MAPK8: variants seen among roughly 807,000 people sequenced by gnomAD.
MAPK8 encodes the protein JUN N-terminal kinase.
In MAPK8, 13 loss-of-function variants were observed where a neutral mutation model predicts 52.9. The ratio of observed to expected loss-of-function variants is 0.25; its 90% CI spans 0.16 to 0.39. The LOEUF (loss-of-function observed/expected upper bound fraction) is 0.39, where lower values mean the gene tolerates loss of function less well. Ranked by LOEUF, MAPK8 falls within the 10% of genes least tolerant of loss-of-function variation. MAPK8 has a pLI of 1.00. For synonymous variants in MAPK8, 191 were observed against 169.8 expected, an observed-to-expected ratio of 1.12 and a Z score of -0.97; for missense variants, 300 against 519.2, an observed-to-expected ratio of 0.58 and a Z score of 4.10.
At chr10:48,432,053 G>A (rs2044335050) in intron 11 of MAPK8, among the ~76,000 whole-genome samples, 1 of 152,144 alleles carries the variant, frequency 6.6e-6, no homozygotes, top group Non-Finnish European at 1.5e-5. Context: ...AGAGTGTGTG[G>A]TTTTTTCAGC....
At chr10:48,318,503 A>G (rs181272803) in intron 1 of MAPK8, among the ~76,000 whole-genome samples, 2 of 152,220 alleles carry the variant, frequency 1.3e-5, no homozygotes, top group Admixed American at 6.5e-5. Context: ...GTAACTGGCC[A>G]CAGGGTTTGA....
chr10:48,337,471 A>C (rs1321872884), intron 1 of MAPK8, among the ~76,000 whole-genome samples: 1 of 152,164 alleles, frequency 6.6e-6, no homozygotes, highest in Non-Finnish European at 1.5e-5. Flanking sequence ...TTAAGAGGAA[A>C]ATTTTAGTGC....
chr10:48,327,043 C>T (rs1016689619), intron 1 of MAPK8, among the ~76,000 whole-genome samples: 2 of 152,178 alleles, frequency 1.3e-5, no homozygotes, highest in Non-Finnish European at 2.9e-5. Flanking sequence ...TTCCCCCCTC[C>T]GTCTGCATGC....
chr10:48,421,607 C>G (rs762525649), intron 6 of MAPK8, among the ~76,000 whole-genome samples: 2 of 152,122 alleles, frequency 1.3e-5, no homozygotes, highest in African/African-American at 2.4e-5. Context: ...GAGTTCTAGA[C>G]CAGCCTGAGC....
chr10:48,377,039 A>G (rs1369028474), intron 1 of MAPK8, among the ~76,000 whole-genome samples: 1 of 152,196 alleles, frequency 6.6e-6, no homozygotes, highest in Non-Finnish European at 1.5e-5. Context: ...CCACAGCCAT[A>G]AAAAGGATGA....
chr10:48,371,788 G>A (rs1025533503), intron 1 of MAPK8, among the ~76,000 whole-genome samples: 1 of 152,116 alleles, frequency 6.6e-6, no homozygotes, highest in Non-Finnish European at 1.5e-5. Flanking sequence ...CCTTGTGTCT[G>A]ACTGAATAGC....
chr10:48,400,249 A>G (rs1248630049), intron 1 of MAPK8, among the ~76,000 whole-genome samples: 1 of 152,208 alleles, frequency 6.6e-6, no homozygotes, highest in Non-Finnish European at 1.5e-5. Flanking sequence ...GCACTACATG[A>G]CTAGTCCAGT....
At chr10:48,409,743 C>T (rs2042651085) in intron 3 of MAPK8, 136 bp from the exon 4 acceptor site, 1 of 646,800 alleles carries the variant, frequency 1.5e-6, no homozygotes, top group Non-Finnish European at 2.7e-6. Context: ...AAAATGAAAG[C>T]AATTAACTTG....
intron 1 of MAPK8, among the ~76,000 whole-genome samples, chr10:48,312,205 T>G (rs1210472489): frequency 6.6e-6 from 1 of 152,178 alleles, no homozygotes; most frequent in Non-Finnish European, 1.5e-5. Context: ...TGCACATTAG[T>G]CAAAATCCAA....
chr10:48,369,688 G>A (rs1361165352), intron 1 of MAPK8, among the ~76,000 whole-genome samples: 1 of 152,130 alleles, frequency 6.6e-6, no homozygotes, highest in Non-Finnish European at 1.5e-5. Flanking sequence ...CTAGCAGAGG[G>A]GGGAAAATGA....
chr10:48,348,614 G>C (rs1846010114), intron 1 of MAPK8, among the ~76,000 whole-genome samples: 1 of 152,158 alleles, frequency 6.6e-6, no homozygotes, highest in Admixed American at 6.5e-5. Flanking sequence ...TGACTAGCCA[G>C]TTTTCCCAAC....
At chr10:48,360,208 G>T (rs1205734088) in intron 1 of MAPK8, among the ~76,000 whole-genome samples, 1 of 152,048 alleles carries the variant, frequency 6.6e-6, no homozygotes, top group East Asian at 1.9e-4. Flanking sequence ...TCGAACAGTT[G>T]AACTAGAAAG....
intron 1 of MAPK8, among the ~76,000 whole-genome samples, chr10:48,368,790 G>A (rs1453717084): frequency 6.6e-6 from 1 of 152,196 alleles, no homozygotes; most frequent in African/African-American, 2.4e-5. Context: ...AGTGCGGCTG[G>A]ACTTCACAAA....
intron 1 of MAPK8, among the ~76,000 whole-genome samples, chr10:48,396,747 A>G (rs772117894): frequency 6.6e-6 from 1 of 152,218 alleles, no homozygotes; most frequent in African/African-American, 2.4e-5. Context: ...TTGATATACC[A>G]ACACCTTGGA....
chr10:48,415,546 G>A (rs768495521), intron 5 of MAPK8, among the ~76,000 whole-genome samples: 10 of 152,186 alleles, frequency 6.6e-5, no homozygotes, highest in Non-Finnish European at 1.3e-4. Context: ...CAACAACTGC[G>A]TATTTCCATA....
In MAPK8 at chr10:48,437,415, CCTTT is replaced by C. The variant is rs1383334562; in HGVS notation, c.*2390_*2393del. Reference sequence around the variant, plus strand: ...ATCAGGTAGTACTTGTATGAAACCACCTTTCTTATTCTATAATTTTGATTTTTCA... The same window carrying C: ...ATCAGGTAGTACTTGTATGAAACCACCTTATTCTATAATTTTGATTTTTCA... On this transcript the variant is annotated 3_prime_UTR_variant, in exon 12 of 12. Coordinates refer to ENST00000374189, the MANE Select transcript of MAPK8 (RefSeq NM_001323329.2). 4 of 152,030 alleles carry C rather than the reference CCTTT, an allele frequency of 2.6e-5. No individual in the cohort carries two copies. The highest frequency in any genetic ancestry group is 7.3e-5 in the African/African-American group (3 of 41,372). 9.4% of individuals were successfully genotyped at this position (152,030 alleles called of 1,614,324 possible). A position where few individuals can be genotyped will look rare whatever the true frequency, so the allele number is the denominator to read the frequency against.
rs554669671 is a variant in MAPK8 at position 48,392,261 on chromosome 10, T to G, written c.-49-9351T>G. ...TGCAGTCAGAAAGGCAGGGGAAGAT[T>G]AGACTCTTGCCTTGAGCTGGTGAAA... is the stretch of plus-strand genomic sequence containing the variant. On this transcript the variant is annotated intron_variant, in intron 1 of 11. Transcript: ENST00000374189. Among the ~76,000 whole-genome samples, 5 of 152,242 alleles carry G rather than the reference T, an allele frequency of 3.3e-5. No homozygotes were observed. The South Asian group carries it at 8.3e-4, about 25-fold the overall frequency.
chr10:48,410,172 A>C lies in MAPK8; in HGVS notation c.450+4A>C. The C allele has an allele frequency of 6.6e-7, 1 of 1,509,852 alleles. No individual in the cohort carries two copies. The highest frequency in any genetic ancestry group is 8.8e-7 in the Non-Finnish European group (1 of 1,131,630). 93.5% of individuals were successfully genotyped at this position (1,509,852 alleles called of 1,614,324 possible). A position where few individuals can be genotyped will look rare whatever the true frequency, so the allele number is the denominator to read the frequency against. ...TTCTGCTGGAATTATTCATCGGGTT[A>C]GTAGAAGAAACTATCGTCATACTCT... On this transcript the variant is annotated splice_donor_region_variant and intron_variant, in intron 5 of 11. Transcript: ENST00000374189.
chr10:48,319,135 G>T (rs1842759157), intron 1 of MAPK8, among the ~76,000 whole-genome samples: 1 of 152,178 alleles, frequency 6.6e-6, no homozygotes, highest in Admixed American at 6.5e-5. Context: ...GTAGGTTATA[G>T]AATTTTGGGA....
Sources: allele counts gnomAD v4.1 joint callset (sites outside exome capture counted in the v4.1 genomes callset), GRCh38; gene constraint gnomAD v4.1.1; transcripts MANE v1.5; gene names NCBI Gene and HGNC (gene_info 2026-07-23, HGNC 2026-07-21).